AP3D1: variants seen among roughly 807,000 people sequenced by gnomAD.
The protein encoded by AP3D1 is adaptor related protein complex 3 subunit delta 1.
Under a neutral mutation model 147.6 loss-of-function variants are expected in AP3D1, and 51 were observed. The observed-to-expected ratio is 0.35, with a 90% CI of 0.28 to 0.44. The LOEUF is 0.44. Ranked by LOEUF, AP3D1 falls within the 20% of genes least tolerant of loss-of-function variation. AP3D1 has a pLI of 1.00. For missense variants in AP3D1, 1,421 were observed against 1,624.2 expected, an observed-to-expected ratio of 0.87 and a Z score of 2.15; for synonymous variants, 760 against 663.0, an observed-to-expected ratio of 1.15 and a Z score of -2.25.
chr19:2,114,346 C>A (rs1193906004), intron 21 of AP3D1, 44 bp from the exon 22 acceptor site: 82 of 1,493,420 alleles, frequency 5.5e-5, no homozygotes, highest in Non-Finnish European at 7.4e-5. Context: ...CCACTGGCCA[C>A]CCCCCAGGAC....
upstream of AP3D1, among the ~76,000 whole-genome samples, chr19:2,155,654 G>C (rs1372996147): frequency 1.3e-5 from 2 of 151,482 alleles, no homozygotes; most frequent in Admixed American, 1.3e-4. Flanking sequence ...TTTATTATTG[G>C]TCTCCACCTC....
chr19:2,138,034 A>C (rs1036240754), intron 2 of AP3D1, among the ~76,000 whole-genome samples: 1 of 152,042 alleles, frequency 6.6e-6, no homozygotes, highest in Non-Finnish European at 1.5e-5. Flanking sequence ...CTAAAAAGAG[A>C]CTCAATGTCT....
At chr19:2,154,525 C>G (rs1296469395), upstream of AP3D1, among the ~76,000 whole-genome samples, 1 of 152,222 alleles carries the variant, frequency 6.6e-6, no homozygotes, top group African/African-American at 2.4e-5. Context: ...GATCTGCCTG[C>G]TTCAGCCTCC....
intron 1 of AP3D1, chr19:2,164,122 C>A (rs1349668188): frequency 3.9e-6 from 3 of 760,120 alleles, no homozygotes; most frequent in Non-Finnish European, 5.0e-6. Flanking sequence ...CCTCCGCCCA[C>A]CGGCGGCCCC....
intron 1 of AP3D1, among the ~76,000 whole-genome samples, chr19:2,149,033 A>T (rs1436269217): frequency 6.6e-6 from 1 of 152,080 alleles, no homozygotes; most frequent in Non-Finnish European, 1.5e-5. Flanking sequence ...TTGAACAGTC[A>T]TTTGCTGCTC....
chr19:2,119,234 T>C (rs1233206648), intron 14 of AP3D1, among the ~76,000 whole-genome samples: 2 of 152,190 alleles, frequency 1.3e-5, no homozygotes, highest in Non-Finnish European at 2.9e-5. Context: ...GACTTGAATA[T>C]GTTTCTAGTC....
intron 30 of AP3D1, 103 bp downstream of exon 30, chr19:2,108,983 G>A (rs936379735): frequency 1.8e-5 from 28 of 1,543,472 alleles, no homozygotes; most frequent in Non-Finnish European, 2.2e-5. Context: ...CCCAAAGGGT[G>A]TGAGTTTGGG....
In AP3D1 at chr19:2,115,494, A is replaced by G. The variant is rs2066775; in HGVS notation, c.2149+44T>C. On this transcript the variant is annotated intron_variant, in intron 19 of 31. Transcript: ENST00000643116. ...GGGGAGGGCGGCGGGAGCACCCCACAGCCCATGTGACAAATGCGGCGCCGA... is the reference window on the plus strand; with the variant it reads ...GGGGAGGGCGGCGGGAGCACCCCACGGCCCATGTGACAAATGCGGCGCCGA... 0.25 allele frequency: 404,031 copies of G among 1,610,368 alleles called. 54,465 individuals carry two copies. Among genetic ancestry groups the G allele is most frequent in the African/African-American group, 0.48 (35,728 of 74,950 alleles).
intron 1 of AP3D1, among the ~76,000 whole-genome samples, chr19:2,149,012 T>C (rs189389414): frequency 1.2e-4 from 19 of 152,098 alleles, no homozygotes; most frequent in Admixed American, 2.6e-4. Context: ...GAGGTACAAC[T>C]AGAACTGTCA....
intron 1 of AP3D1, among the ~76,000 whole-genome samples, chr19:2,145,507 C>T (rs1279755233): frequency 6.6e-6 from 1 of 152,154 alleles, no homozygotes; most frequent in Non-Finnish European, 1.5e-5. Flanking sequence ...TGGGTGGAGG[C>T]CGGGTACGCT....
rs763399842 is a variant in AP3D1, at chr19:2,129,408, G to A, written c.642C>T (p.Asn214=). 3.7e-6 allele frequency: 6 copies of A among 1,614,140 alleles called. No homozygotes were observed. In the South Asian group the frequency reaches 6.6e-5, roughly 18 times the overall value. ...GGGCCAGGGACAGGTAGTTCTTAGG[G>A]TTGCGTCTGGCCAGCTCGCAGATGA... is the stretch of plus-strand genomic sequence containing the variant. ...VNVICELARR[N]PKNYLSLAPL... is the part of the protein sequence containing the mutation. Residue 214 remains asparagine (N), a synonymous_variant, in exon 7 of 32, where the codon AAC becomes AAT. Coordinates refer to ENST00000643116, the MANE Select transcript of AP3D1 (RefSeq NM_001261826.3).
In AP3D1 at chr19:2,103,930, T is replaced by C. The variant is rs376519455; in HGVS notation, c.3553-1662A>G. Among the ~76,000 whole-genome samples the C allele has an allele frequency of 6.6e-5, 10 of 151,130 alleles. No individual in the cohort carries two copies. In the East Asian group the frequency reaches 9.8e-4, roughly 15 times the overall value. On this transcript the variant is annotated intron_variant, in intron 31 of 31. Transcript: ENST00000643116. The stretch of plus-strand genomic sequence containing the variant: ...CAATGCCAAGATCACATCACCCAGA[T>C]GCCAACACCAAGGCACCAATGCCAA...
rs557776577 is a variant in AP3D1, at chr19:2,160,911, T to C, written c.-103+3445A>G. Among the ~76,000 whole-genome samples, 6 of 152,154 alleles carry C rather than the reference T, an allele frequency of 3.9e-5. No individual in the cohort carries two copies. The South Asian group carries it at 1.2e-3, about 32-fold the overall frequency. On this transcript the variant is annotated intron_variant, in intron 1 of 14. Transcript: ENST00000643010. ...GCACCTTAGCTGTGACAATCACAAA[T>C]GTTCCCAGACATCGCCCAGTGTTTC...
intron 21 of AP3D1, 99 bp downstream of exon 21, chr19:2,114,649 C>T: frequency 1.2e-6 from 1 of 867,652 alleles, no homozygotes. Flanking sequence ...CCCAGCCTGC[C>T]CACCCTGCAG....
chr19:2,146,685 CAA>C (rs578202505), intron 1 of AP3D1, among the ~76,000 whole-genome samples: 17 of 150,014 alleles, frequency 1.1e-4, no homozygotes, highest in Non-Finnish European at 1.6e-4. Flanking sequence ...AGAGGGAAAA[CAA>C]AGCACATTTA....
chr19:2,102,475 T>G (rs1303817669), intron 31 of AP3D1, among the ~76,000 whole-genome samples: 2 of 151,966 alleles, frequency 1.3e-5, no homozygotes, highest in African/African-American at 2.4e-5. Context: ...ACGCCTGTAA[T>G]CCCAGCACTT....
chr19:2,110,880 C>G lies in AP3D1; in HGVS notation c.3002G>C (p.Gly1001Ala). ...GACCTGGCTGTCCTCCTGCAGACTG[C>G]CCCGGATGTCACAGGTCTGCAGGGC... is the stretch of plus-strand genomic sequence containing the variant. ...SYVKMTCDIR[G>A]SLQEDSQVTV... The change falls in exon 27 of 32, where the codon GGC becomes GCC. Residue 1001 changes from glycine (G) to alanine (A), a missense_variant. By Grantham distance (60) the Gly-to-Ala change is moderately conservative. Around this residue, in one of 6 missense-constraint regions of AP3D1, gnomAD observed 791 missense variants for 761.4 expected, o/e 1.04. Transcript: ENST00000643116. 1.2e-6 allele frequency: 2 copies of G among 1,613,108 alleles called. No homozygotes were observed. The highest frequency in any genetic ancestry group is 2.2e-5 in the South Asian group (2 of 91,070).
At position 2,117,255 on chromosome 19, in the gene AP3D1, G is replaced by A. The variant is rs776358596; in HGVS notation, c.1826C>T (p.Pro609Leu). The change falls in exon 16 of 32, where the codon CCC becomes CTC. Residue 609 changes from proline to leucine, a missense_variant. Transcript: ENST00000643116. ...GACTGGAACCTTCTTCTGGGCCTTG[G>A]GGGCCACTGGGTTCAGCTCCCCAGC... Reference protein sequence around the residue: ...LFAGELNPVAPKAQKKVPVPE... With the variant: ...LFAGELNPVALKAQKKVPVPE... The A allele has an allele frequency of 6.2e-7, 1 of 1,612,254 alleles. No individual in the cohort carries two copies. Among genetic ancestry groups the A allele is most frequent in the African/African-American group, 1.3e-5 (1 of 74,866 alleles).
chr19:2,142,687 C>G lies in AP3D1; in HGVS notation c.97-3973G>C, dbSNP rs151315933. On this transcript the variant is annotated intron_variant, in intron 1 of 31. Transcript: ENST00000643116. ...CGCATGCAGGCTGAGGGCCTGGGAGCTCACCCAGCTCATGAGAGCAAAGCC... is the reference window on the plus strand; with the variant it reads ...CGCATGCAGGCTGAGGGCCTGGGAGGTCACCCAGCTCATGAGAGCAAAGCC... Among the ~76,000 whole-genome samples, 366 of 152,200 alleles carry G rather than the reference C, an allele frequency of 2.4e-3. 2 individuals carry two copies. The highest frequency in any genetic ancestry group is 8.4e-3 in the African/African-American group (348 of 41,534).
Sources: gnomAD v4.1 joint callset for allele counts (sites outside exome capture counted in the v4.1 genomes callset) on GRCh38, gnomAD v4.1.1 for gene constraint, gnomAD v4.1.1 regional missense constraint, MANE v1.5 for transcripts, NCBI Gene and HGNC (gene_info 2026-07-23, HGNC 2026-07-21) for gene names.